Variants in WDR25 observed in about 807,000 individuals in gnomAD.
WDR25 encodes WD repeat domain 25, also known as WD repeat-containing protein 25.
Under a neutral mutation model 47.7 loss-of-function variants are expected in WDR25, and 35 were observed. That is an observed-to-expected ratio of 0.73 (90% CI 0.56 to 0.97). The LOEUF (loss-of-function observed/expected upper bound fraction) is 0.97, where lower values mean the gene tolerates loss of function less well. Ranked by LOEUF, WDR25 falls within the 50% of genes least tolerant of loss-of-function variation. WDR25 has a pLI of 0.00. For missense variants in WDR25, 634 were observed against 704.7 expected, an observed-to-expected ratio of 0.90 and a Z score of 1.14; for synonymous variants, 248 against 278.9, an observed-to-expected ratio of 0.89 and a Z score of 1.10.
intron 2 of WDR25, among the ~76,000 whole-genome samples, chr14:100,386,670 G>A (rs1366180191): frequency 1.3e-5 from 2 of 152,078 alleles, no homozygotes; most frequent in South Asian, 4.2e-4. Flanking sequence ...GAGGCAGGCG[G>A]ATCACGAGGT....
At chr14:100,415,952 G>A (rs1354560051) in intron 2 of WDR25, among the ~76,000 whole-genome samples, 2 of 152,184 alleles carry the variant, frequency 1.3e-5, no homozygotes, top group Non-Finnish European at 2.9e-5. Context: ...TGTCCTCCCT[G>A]CTCTGCCGCT....
In WDR25 at chr14:100,392,405, G is replaced by A. The variant is rs933266360; in HGVS notation, c.822+10659G>A. On this transcript the variant is annotated intron_variant, in intron 2 of 6. Coordinates refer to ENST00000402312, the MANE Select transcript of WDR25 (RefSeq NM_001161476.3). The surrounding 1 kb of genome is among the most constrained non-coding windows in gnomAD (Gnocchi z 4.2). ...GCTCTCCAAACTGTGTGATGAAAAC[G>A]TGATCCCAGGGGTCCAAGCCTCTGT... Among the ~76,000 whole-genome samples, 2 of 151,706 alleles carry A rather than the reference G, an allele frequency of 1.3e-5. No homozygotes were observed. The highest frequency in any genetic ancestry group is 6.6e-5 in the Admixed American group (1 of 15,248).
chr14:100,471,503 G>A (rs1899833095), intron 3 of WDR25, among the ~76,000 whole-genome samples: 1 of 152,186 alleles, frequency 6.6e-6, no homozygotes, highest in Admixed American at 6.5e-5. Flanking sequence ...GACTTGTCTT[G>A]TCCTTTCTCT....
rs1239633660 is a variant in WDR25 at position 100,500,328 on chromosome 14, C to CT, written c.1101+16205dup. Among the ~76,000 whole-genome samples, 2 of 152,138 alleles carry CT rather than the reference C, an allele frequency of 1.3e-5. No homozygotes were observed. The highest frequency in any genetic ancestry group is 2.9e-5 in the Non-Finnish European group (2 of 68,030). ...GAAGGCCCTGCCCTAATTCAGTGGC[C>CT]TAGAGGCAGGCCAGCTCGTCTCTTC... On this transcript the variant is annotated intron_variant, in intron 4 of 6. Transcript: ENST00000402312. The surrounding 1 kb of genome is among the most constrained non-coding windows in gnomAD (Gnocchi z 4.7).
chr14:100,407,366 A>G lies in WDR25; in HGVS notation c.822+25620A>G, dbSNP rs1179972563. The stretch of plus-strand genomic sequence containing the variant: ...CAGGAGGCAGTGAGGGAAAGCTTTT[A>G]ATTCAAAGCCCTATCCATCTTCCCA... On this transcript the variant is annotated intron_variant, in intron 2 of 6. Transcript: ENST00000402312. This position sits in a 1 kb window ranked among gnomAD's most constrained non-coding sequence, Gnocchi z 4.1. 1 of 152,132 alleles carries G rather than the reference A, an allele frequency of 6.6e-6. No homozygotes were observed. Among genetic ancestry groups the G allele is most frequent in the Non-Finnish European group, 1.5e-5 (1 of 68,036 alleles). 9.4% of individuals were successfully genotyped at this position (152,132 alleles called of 1,614,324 possible).
intron 3 of WDR25, among the ~76,000 whole-genome samples, chr14:100,479,438 C>G (rs561512389): frequency 6.6e-6 from 1 of 151,062 alleles, no homozygotes; most frequent in Non-Finnish European, 1.5e-5. Context: ...TTAGGAATAC[C>G]AGATTTCCAA....
chr14:100,458,186 G>A (rs1422968848), intron 2 of WDR25, among the ~76,000 whole-genome samples: 1 of 152,020 alleles, frequency 6.6e-6, no homozygotes, highest in East Asian at 1.9e-4. Context: ...TAAATATAAA[G>A]GGATAGAAAA....
At chr14:100,434,491 A>G (rs1898439803) in intron 2 of WDR25, among the ~76,000 whole-genome samples, 1 of 152,266 alleles carries the variant, frequency 6.6e-6, no homozygotes, top group Non-Finnish European at 1.5e-5. Context: ...GACTGAGAGC[A>G]TATAGTCCAC....
At chr14:100,497,057 C>T (rs1900756203) in intron 4 of WDR25, among the ~76,000 whole-genome samples, 1 of 152,048 alleles carries the variant, frequency 6.6e-6, no homozygotes, top group Non-Finnish European at 1.5e-5. Context: ...TGGAAGATAG[C>T]TTTCTATCAT....
intron 2 of WDR25, among the ~76,000 whole-genome samples, chr14:100,384,803 G>A (rs1422865065): frequency 6.6e-6 from 1 of 152,072 alleles, no homozygotes; most frequent in Non-Finnish European, 1.5e-5. Flanking sequence ...AGTGTCTTCT[G>A]GGCCCCTGCT....
chr14:100,469,378 G>T lies in WDR25; in HGVS notation c.970+1210G>T, dbSNP rs539055865. On this transcript the variant is annotated intron_variant, in intron 3 of 6. Transcript: ENST00000402312. ...CACAGGGCCCCTGCCACGTGCTATA[G>T]GCTTTGCACACAGCATGTCTAATCC... 3.0e-4 allele frequency among the ~76,000 whole-genome samples: 46 copies of T among 152,300 alleles called. No homozygotes were observed. In the South Asian group the frequency reaches 9.1e-3, roughly 30 times the overall value.
At chr14:100,400,530 C>T (rs981204976) in intron 2 of WDR25, among the ~76,000 whole-genome samples, 4 of 152,210 alleles carry the variant, frequency 2.6e-5, no homozygotes, top group African/African-American at 9.7e-5. Context: ...CCAAAGGTAA[C>T]TTTGTTTAAT....
intron 3 of WDR25, among the ~76,000 whole-genome samples, chr14:100,471,861 G>A (rs529794526): frequency 1.3e-5 from 2 of 152,286 alleles, no homozygotes; most frequent in African/African-American, 4.8e-5. Flanking sequence ...AATAAAACTT[G>A]CTCACAATTA....
Position 100,525,355 on chromosome 14 carries a change from A to C in WDR25, c.1102-515A>C, listed in dbSNP as rs74081530. Among the ~76,000 whole-genome samples the C allele has an allele frequency of 0.035, 5,325 of 152,334 alleles. 308 individuals carry two copies. Among genetic ancestry groups the C allele is most frequent in the African/African-American group, 0.12 (4,975 of 41,550 alleles). On this transcript the variant is annotated intron_variant, in intron 4 of 6. Transcript: ENST00000402312. This position sits in a 1 kb window ranked among gnomAD's most constrained non-coding sequence, Gnocchi z 4.6. ...CGGTGATGATGCTAAAACAATACAA[A>C]GTGTCGTTAAAGCTAAAATATGTCC...
chr14:100,475,594 C>T (rs867610982), intron 3 of WDR25, among the ~76,000 whole-genome samples: 5 of 151,706 alleles, frequency 3.3e-5, no homozygotes, highest in African/African-American at 1.2e-4. Context: ...CTCGTAGAAG[C>T]GTTGAGTAGA....
intron 2 of WDR25, among the ~76,000 whole-genome samples, chr14:100,463,898 C>G (rs1206730448): frequency 1.3e-5 from 2 of 152,188 alleles, no homozygotes; most frequent in Admixed American, 1.3e-4. Flanking sequence ...CAGGCCACTT[C>G]TCTACTGCCT....
chr14:100,396,133 C>T (rs946915733), intron 2 of WDR25, among the ~76,000 whole-genome samples: 1 of 151,972 alleles, frequency 6.6e-6, no homozygotes, highest in Non-Finnish European at 1.5e-5. Flanking sequence ...CCCACCACCA[C>T]GCCCGGCTAA....
Position 100,529,202 on chromosome 14 carries a change from G to A in WDR25, c.1407G>A (p.Gly469=), listed in dbSNP as rs1391508698. The A allele has an allele frequency of 1.2e-6, 2 of 1,613,318 alleles. No homozygotes were observed. Among genetic ancestry groups the A allele is most frequent in the African/African-American group, 1.3e-5 (1 of 74,932 alleles). Residue 469 remains glycine, a synonymous_variant, in exon 6 of 7, where the codon GGG becomes GGA. Coordinates refer to ENST00000402312, the MANE Select transcript of WDR25 (RefSeq NM_001161476.3). This position sits in a 1 kb window ranked among gnomAD's most constrained non-coding sequence, Gnocchi z 5.1. ...TGAGCAGACGGCGGCGCTATGAAGG[G>A]CACAAGGTACTTCTGTCCTTGTCCC... ...YRMSRRRRYE[G]HKVEGYSVGC...
intron 2 of WDR25, among the ~76,000 whole-genome samples, chr14:100,408,207 C>T (rs1897601314): frequency 6.6e-6 from 1 of 152,114 alleles, no homozygotes; most frequent in African/African-American, 2.4e-5. Context: ...TCGGACGTTC[C>T]TGTGATAATC....
Sources: gnomAD v4.1 joint callset for allele counts (sites outside exome capture counted in the v4.1 genomes callset) on GRCh38, gnomAD v4.1.1 for gene constraint, Gnocchi (gnomAD v3.1) non-coding constraint, MANE v1.5 for transcripts, NCBI Gene and HGNC (gene_info 2026-07-23, HGNC 2026-07-21) for gene names.